SLC8B1: variants seen among roughly 807,000 people sequenced by gnomAD.
The protein encoded by SLC8B1 is solute carrier family 8 member B1.
In SLC8B1, 52 loss-of-function variants were observed where a neutral mutation model predicts 63.4. The observed-to-expected ratio is 0.82, with a 90% CI of 0.66 to 1.03. The LOEUF is 1.03. Ranked by LOEUF, SLC8B1 falls within the 50% of genes least tolerant of loss-of-function variation. The pLI, the probability that SLC8B1 is intolerant of heterozygous loss-of-function variation, is 0.00. For synonymous variants in SLC8B1, 336 were observed against 323.9 expected (o/e 1.04, Z -0.40); for missense variants, 657 against 741.7 (o/e 0.89, Z 1.33).
At chr12:113,329,122 C>T (rs1203001018) in intron 2 of SLC8B1, among the ~76,000 whole-genome samples, 1 of 152,176 alleles carries the variant, frequency 6.6e-6, no homozygotes, top group Non-Finnish European at 1.5e-5. Context: ...AGTAGGCCCT[C>T]CTAACAGTTG....
At chr12:113,332,346 A>G (rs1057157570) in intron 2 of SLC8B1, among the ~76,000 whole-genome samples, 12 of 152,160 alleles carry the variant, frequency 7.9e-5, no homozygotes, top group Non-Finnish European at 1.2e-4. Flanking sequence ...ATCCTGGCTC[A>G]CTGCAACATC....
At chr12:113,309,435 A>G (rs1016261335) in intron 12 of SLC8B1, among the ~76,000 whole-genome samples, 3 of 152,232 alleles carry the variant, frequency 2.0e-5, no homozygotes, top group South Asian at 2.1e-4. Context: ...CACAAAGGCC[A>G]TCCCATTCTA....
At chr12:113,332,428 C>A (rs1208323973) in intron 2 of SLC8B1, among the ~76,000 whole-genome samples, 1 of 152,168 alleles carries the variant, frequency 6.6e-6, no homozygotes, top group Non-Finnish European at 1.5e-5. Flanking sequence ...CCATGCCCAG[C>A]TAATTTTTGT....
chr12:113,307,717 A>T lies in SLC8B1; in HGVS notation c.1385T>A (p.Leu462Gln). The change falls in exon 13 of 16, where the codon CTG becomes CAG. Residue 462 changes from leucine (L) to glutamine (Q), a missense_variant. Leu to Gln is a moderately radical substitution (Grantham distance 113, BLOSUM62 -2). Transcript: ENST00000680972. ...TCCAATGCTGTTCCCCCAGGCCAGCAGCGTGAGCCCCAGCACAGTGTTGCT... is the reference window on the plus strand; with the variant it reads ...TCCAATGCTGTTCCCCCAGGCCAGCTGCGTGAGCCCCAGCACAGTGTTGCT... ...RLSNTVLGLT[L>Q]LAWGNSIGDA... 1 of 1,614,094 alleles carries T rather than the reference A, an allele frequency of 6.2e-7. No individual in the cohort carries two copies. Among genetic ancestry groups the T allele is most frequent in the Non-Finnish European group, 8.5e-7 (1 of 1,180,012 alleles).
intron 11 of SLC8B1, 137 bp from the exon 12 acceptor site, chr12:113,310,492 A>T: frequency 1.8e-6 from 2 of 1,140,266 alleles, no homozygotes; most frequent in Non-Finnish European, 2.3e-6. Flanking sequence ...AGAAAAATTT[A>T]AAATGCAGCC....
intron 15 of SLC8B1, chr12:113,302,609 T>C (rs752981725): frequency 6.6e-6 from 3 of 456,054 alleles, no homozygotes; most frequent in South Asian, 1.5e-5. Context: ...TTAGCAGGTA[T>C]ATCCAACACG....
In SLC8B1 at chr12:113,300,010, GC is replaced by G. The variant is rs949680596; in HGVS notation, c.1558-37del. 4 of 1,590,822 alleles carry G rather than the reference GC, an allele frequency of 2.5e-6. No homozygotes were observed. In the African/African-American group the frequency reaches 5.4e-5, roughly 21 times the overall value. ...ATGAGGGGAGAGAGGCTGAGTCACT[GC>G]CCGTCACAGGCCCCGCCCCGTCTGT... is the stretch of plus-strand genomic sequence containing the variant. On this transcript the variant is annotated intron_variant, in intron 15 of 15. Coordinates refer to ENST00000680972, the MANE Select transcript of SLC8B1 (RefSeq NM_001358345.2).
intron 15 of SLC8B1, chr12:113,302,369 G>T: frequency 3.8e-6 from 1 of 264,100 alleles, no homozygotes; most frequent in Non-Finnish European, 7.6e-6. Context: ...GAGCTTGGAG[G>T]TGGCACTGCC....
In SLC8B1 at chr12:113,307,898, G is replaced by A. The variant is rs192447126; in HGVS notation, c.1258-54C>T. 31 of 1,588,520 alleles carry A rather than the reference G, an allele frequency of 2.0e-5. No homozygotes were observed. The African/African-American group carries it at 3.6e-4, about 18-fold the overall frequency. ...CAAGGCCAGCCCCAACAGGAACACA[G>A]CCTCAGTTCCTCACCTGTGAAACGG... On this transcript the variant is annotated intron_variant, in intron 12 of 15. Coordinates refer to ENST00000680972, the MANE Select transcript of SLC8B1 (RefSeq NM_001358345.2).
chr12:113,318,957 C>G lies in SLC8B1; in HGVS notation c.802+7G>C. The G allele has an allele frequency of 6.2e-7, 1 of 1,612,996 alleles. No homozygotes were observed. ...GGTCCTCTCTGGGGTCCGATGCAGA[C>G]TCTTACCTGGAGTAACTGGCATGGG... On this transcript the variant is annotated splice_region_variant and intron_variant, in intron 8 of 15. Transcript: ENST00000680972.
At chr12:113,306,651 C>T in intron 13 of SLC8B1, 76 bp from the exon 14 acceptor site, 1 of 1,208,052 alleles carries the variant, frequency 8.3e-7, no homozygotes, top group Non-Finnish European at 1.2e-6. Flanking sequence ...CCTTCATTCT[C>T]ACCCACGGTC....
At chr12:113,326,821 A>T (rs1034777158) in intron 2 of SLC8B1, among the ~76,000 whole-genome samples, 3 of 151,962 alleles carry the variant, frequency 2.0e-5, no homozygotes, top group Non-Finnish European at 4.4e-5. Flanking sequence ...GGAGCTACAA[A>T]TGTGAGCCCA....
intron 9 of SLC8B1, 62 bp downstream of exon 9, chr12:113,316,880 C>T (rs912193736): frequency 3.2e-6 from 5 of 1,579,760 alleles, no homozygotes; most frequent in Non-Finnish European, 4.3e-6. Context: ...AGGGCCCCAT[C>T]TTTCCACCCC....
rs1310078659 is a variant in SLC8B1 at position 113,316,634 on chromosome 12, G to A, written c.885C>T (p.Phe295=). The A allele has an allele frequency of 1.1e-5, 17 of 1,613,838 alleles. No individual in the cohort carries two copies. Among genetic ancestry groups the A allele is most frequent in the Non-Finnish European group, 1.4e-5 (16 of 1,180,020 alleles). The change falls in exon 10 of 16, where the codon TTC becomes TTT. Residue 295 remains phenylalanine (F), a synonymous_variant. Coordinates refer to ENST00000680972, the MANE Select transcript of SLC8B1 (RefSeq NM_001358345.2). Reference sequence around the variant, plus strand: ...TCTGAGCCGTGGTCTCCTGGTAGAAGAACAGCGGCCGGTACTCATCACCTG... The same window carrying A: ...TCTGAGCCGTGGTCTCCTGGTAGAAAAACAGCGGCCGGTACTCATCACCTG... ...YDYGDEYRPL[F]FYQETTAQIL...
At position 113,328,789 on chromosome 12, in the gene SLC8B1, T is replaced by C. The variant is rs1410721642; in HGVS notation, c.156+3934A>G. On this transcript the variant is annotated intron_variant, in intron 2 of 15. Coordinates refer to ENST00000680972, the MANE Select transcript of SLC8B1 (RefSeq NM_001358345.2). ...TTTTTTGAGATGGAGTCTTACTCCA[T>C]CGCCCAGGCAGGAGGGCAGTGGTAT... 5.3e-5 allele frequency among the ~76,000 whole-genome samples: 8 copies of C among 149,758 alleles called. No individual in the cohort carries two copies. The East Asian group carries it at 1.6e-3, about 30-fold the overall frequency.
chr12:113,331,764 C>T (rs67206313), intron 2 of SLC8B1, among the ~76,000 whole-genome samples: 17,131 of 152,102 alleles, frequency 0.11, 1,050 homozygotes, highest in African/African-American at 0.17. Context: ...CCTTTAAAAA[C>T]TCCCCTTTAC....
At chr12:113,310,034 T>C (rs1956734235) in intron 12 of SLC8B1, among the ~76,000 whole-genome samples, 200 bp downstream of exon 12, 1 of 147,042 alleles carries the variant, frequency 6.8e-6, no homozygotes, top group African/African-American at 2.6e-5. Context: ...CTCAACAAAA[T>C]TAAGCTATTA....
At chr12:113,331,022 G>C (rs772085424) in intron 2 of SLC8B1, among the ~76,000 whole-genome samples, 202 of 152,216 alleles carry the variant, frequency 1.3e-3, no homozygotes, top group Non-Finnish European at 2.4e-3. Flanking sequence ...TGGGAGGAAG[G>C]CCTCTTGCCT....
At chr12:113,333,659 C>G (rs1225271888) in intron 1 of SLC8B1, among the ~76,000 whole-genome samples, 1 of 151,624 alleles carries the variant, frequency 6.6e-6, no homozygotes, top group South Asian at 2.1e-4. Context: ...CCCCCCCGCC[C>G]CCCACCCCAC....
Sources: gnomAD v4.1 joint callset for allele counts (sites outside exome capture counted in the v4.1 genomes callset) on GRCh38, gnomAD v4.1.1 for gene constraint, MANE v1.5 for transcripts, NCBI Gene and HGNC (gene_info 2026-07-23, HGNC 2026-07-21) for gene names.